Variants in CDH22 observed in about 807,000 individuals in gnomAD.
The protein encoded by CDH22 is cadherin 22.
A neutral mutation model predicts 58.4 loss-of-function variants in CDH22; 30 were observed. The observed-to-expected ratio is 0.51, with a 90% CI of 0.38 to 0.70. CDH22 has a LOEUF of 0.70. Ranked by LOEUF, CDH22 falls within the 30% of genes least tolerant of loss-of-function variation. The pLI is 0.00. For synonymous variants in CDH22, 513 were observed against 558.2 expected (o/e 0.92, Z 1.14); for missense variants, 1,014 against 1,233.9 (o/e 0.82, Z 2.67).
chr20:46,207,490 G>C (rs1014466208), intron 7 of CDH22, among the ~76,000 whole-genome samples: 1 of 152,198 alleles, frequency 6.6e-6, no homozygotes, highest in Admixed American at 6.5e-5. Flanking sequence ...GAGAGGTCTG[G>C]GCCCAGGCCA....
chr20:46,197,794 C>T (rs956226646), intron 8 of CDH22, among the ~76,000 whole-genome samples: 33 of 152,200 alleles, frequency 2.2e-4, no homozygotes, highest in Non-Finnish European at 4.4e-4. Context: ...TCCTTTTAAA[C>T]TGCAGTTGAA....
intron 1 of CDH22, among the ~76,000 whole-genome samples, chr20:46,302,858 G>A (rs1225919128): frequency 6.6e-6 from 1 of 152,092 alleles, no homozygotes; most frequent in Non-Finnish European, 1.5e-5. Context: ...TCCCGAGCCA[G>A]GAATGGGAAC....
In CDH22 at chr20:46,199,512, T is replaced by C. The variant is rs1652829178; in HGVS notation, c.1334A>G (p.Asp445Gly). 1 of 1,613,958 alleles carries C rather than the reference T, an allele frequency of 6.2e-7. No individual in the cohort carries two copies. Among genetic ancestry groups the C allele is most frequent in the Admixed American group, 1.7e-5 (1 of 60,010 alleles). ...ESDLDQIFDI[D>G]ADTGAIVTGK... ...AGTCACGATGGCGCCTGTGTCCGCA[T>C]CGATATCGAAGATCTGGTCCAAATC... Residue 445 changes from aspartate to glycine, a missense_variant, in exon 8 of 12, where the codon GAT becomes GGT. Physicochemically the swap from Asp to Gly is moderately conservative, Grantham distance 94 (BLOSUM62 -1). Transcript: ENST00000537909.
chr20:46,189,219 A>G (rs1200650082), intron 8 of CDH22, among the ~76,000 whole-genome samples: 1 of 152,164 alleles, frequency 6.6e-6, no homozygotes, highest in Non-Finnish European at 1.5e-5. Context: ...TTCTAAGCTC[A>G]CCAGATCTGC....
chr20:46,307,943 C>G (rs1405123005), intron 1 of CDH22, among the ~76,000 whole-genome samples: 6 of 151,868 alleles, frequency 4.0e-5, no homozygotes, highest in Admixed American at 3.9e-4. Flanking sequence ...CCGCGGGGGT[C>G]CCGGAGGCTC....
rs1444606613 is a variant in CDH22, at chr20:46,300,591, C to T, written c.-400+7664G>A. ...TACGGTGACAACAAAGAATATGGGG[C>T]GGGGCTTTCTGCTTTTTTGACTCGC... On this transcript the variant is annotated intron_variant, in intron 1 of 11. Coordinates refer to ENST00000537909, the MANE Select transcript of CDH22 (RefSeq NM_021248.3). This position sits in a 1 kb window ranked among gnomAD's most constrained non-coding sequence, Gnocchi z 4.4. Among the ~76,000 whole-genome samples, 2 of 152,194 alleles carry T rather than the reference C, an allele frequency of 1.3e-5. No individual in the cohort carries two copies. Among genetic ancestry groups the T allele is most frequent in the Admixed American group, 6.5e-5 (1 of 15,284 alleles).
At chr20:46,182,281 G>C (rs2085794821) in intron 10 of CDH22, among the ~76,000 whole-genome samples, 1 of 152,236 alleles carries the variant, frequency 6.6e-6, no homozygotes, top group Non-Finnish European at 1.5e-5. Flanking sequence ...GCAATGGACA[G>C]AATGGATGCG....
chr20:46,287,272 C>G (rs1047665896), intron 1 of CDH22, among the ~76,000 whole-genome samples: 2 of 152,176 alleles, frequency 1.3e-5, no homozygotes, highest in African/African-American at 4.8e-5. Context: ...GTGAATCACT[C>G]AATATTCCTC....
At chr20:46,247,045 C>CA (rs1363338833) in intron 2 of CDH22, among the ~76,000 whole-genome samples, 2 of 91,028 alleles carry the variant, frequency 2.2e-5, no homozygotes, top group African/African-American at 4.1e-5. Context: ...TAATGACAAC[C>CA]TTCCCCCCCA....
intron 1 of CDH22, among the ~76,000 whole-genome samples, chr20:46,291,874 G>A (rs1040179053): frequency 9.2e-5 from 14 of 152,222 alleles, no homozygotes; most frequent in African/African-American, 2.9e-4. Flanking sequence ...GGTGGGGGCT[G>A]TCCTGTGCAG....
chr20:46,199,120 G>A (rs2085933188), intron 8 of CDH22, among the ~76,000 whole-genome samples: 1 of 152,202 alleles, frequency 6.6e-6, no homozygotes, highest in South Asian at 2.1e-4. Flanking sequence ...AATTAATGAT[G>A]AGAGAAGAAA....
chr20:46,235,107 C>G (rs2145720180), intron 3 of CDH22, among the ~76,000 whole-genome samples: 1 of 152,356 alleles, frequency 6.6e-6, no homozygotes, highest in African/African-American at 2.4e-5. Context: ...CTTATCTTTG[C>G]ATCCTCTGCA....
intron 8 of CDH22, among the ~76,000 whole-genome samples, chr20:46,195,163 C>A (rs1345511572): frequency 6.6e-6 from 1 of 152,210 alleles, no homozygotes; most frequent in East Asian, 1.9e-4. Flanking sequence ...CAACTGGGAA[C>A]CATGCGACTA....
intron 1 of CDH22, among the ~76,000 whole-genome samples, chr20:46,288,647 C>G (rs1385807881): frequency 6.6e-6 from 1 of 152,222 alleles, no homozygotes. Flanking sequence ...AAAAACTGCT[C>G]CTCTTCCAGC....
At chr20:46,230,592 A>T (rs2086213851) in intron 3 of CDH22, among the ~76,000 whole-genome samples, 1 of 152,222 alleles carries the variant, frequency 6.6e-6, no homozygotes, top group South Asian at 2.1e-4. Flanking sequence ...TCAATAACTG[A>T]TAAAGATAGC....
At chr20:46,279,834 T>G (rs2086540719) in intron 1 of CDH22, among the ~76,000 whole-genome samples, 4 of 152,256 alleles carry the variant, frequency 2.6e-5, no homozygotes, top group Admixed American at 2.6e-4. Flanking sequence ...CTGCCCTGCC[T>G]ATTTCACTAA....
intron 1 of CDH22, among the ~76,000 whole-genome samples, chr20:46,277,530 G>A (rs1600724738): frequency 1.3e-5 from 2 of 152,120 alleles, no homozygotes; most frequent in African/African-American, 2.4e-5. Flanking sequence ...ACTAATAAAC[G>A]TTGTTAACCA....
chr20:46,294,447 G>T lies in CDH22; in HGVS notation c.-400+13808C>A, dbSNP rs928635244. 2.0e-5 allele frequency among the ~76,000 whole-genome samples: 3 copies of T among 152,212 alleles called. No homozygotes were observed. The South Asian group carries it at 6.2e-4, about 31-fold the overall frequency. On this transcript the variant is annotated intron_variant, in intron 1 of 11. Coordinates refer to ENST00000537909, the MANE Select transcript of CDH22 (RefSeq NM_021248.3). Reference sequence around the variant, plus strand: ...GGACACACCAGAGCTTCCCAGGGGTGGTAGGAGGGTGCGGAAAGAGGAAGA... The same window carrying T: ...GGACACACCAGAGCTTCCCAGGGGTTGTAGGAGGGTGCGGAAAGAGGAAGA...
intron 8 of CDH22, among the ~76,000 whole-genome samples, chr20:46,194,722 G>T (rs894360476): frequency 5.9e-5 from 9 of 152,200 alleles, no homozygotes; most frequent in Non-Finnish European, 1.2e-4. Flanking sequence ...GTAAATAGAA[G>T]CTGCTATTAT....
Sources: gnomAD v4.1 joint callset for allele counts (sites outside exome capture counted in the v4.1 genomes callset) on GRCh38, gnomAD v4.1.1 for gene constraint, Gnocchi (gnomAD v3.1) non-coding constraint, MANE v1.5 for transcripts, NCBI Gene and HGNC (gene_info 2026-07-23, HGNC 2026-07-21) for gene names.